The following RAB10 variants were observed in gnomAD, a reference collection of about 807,000 sequenced individuals.
RAB10 encodes the protein RAB10, member RAS oncogene family.
A neutral mutation model predicts 25.7 loss-of-function variants in RAB10; 5 were observed. That is an observed-to-expected ratio of 0.19 (90% CI 0.10 to 0.41). The LOEUF (loss-of-function observed/expected upper bound fraction) is 0.41, where lower values mean the gene tolerates loss of function less well. Ranked by LOEUF, RAB10 falls within the 10% of genes least tolerant of loss-of-function variation. The pLI is 1.00. For synonymous variants in RAB10, 89 were observed against 86.4 expected, an observed-to-expected ratio of 1.03 and a Z score of -0.16; for missense variants, 103 against 245.8, an observed-to-expected ratio of 0.42 and a Z score of 3.89.
intron 1 of RAB10, among the ~76,000 whole-genome samples, chr2:26,091,810 A>G (rs946079372): frequency 6.6e-6 from 1 of 152,172 alleles, no homozygotes; most frequent in African/African-American, 2.4e-5. Context: ...ATGAGTGGCT[A>G]GAAAGGTAGG....
At chr2:26,064,132 G>C (rs748011411) in intron 1 of RAB10, among the ~76,000 whole-genome samples, 45 of 152,060 alleles carry the variant, frequency 3.0e-4, no homozygotes, top group Admixed American at 2.0e-3. Flanking sequence ...TAATAAATTT[G>C]AGCTTTTTGG....
At chr2:26,092,500 G>T (rs866989368) in intron 1 of RAB10, among the ~76,000 whole-genome samples, 2 of 152,122 alleles carry the variant, frequency 1.3e-5, no homozygotes, top group African/African-American at 2.4e-5. Context: ...AATTTAAAAG[G>T]TTTAGTAATA....
intron 1 of RAB10, among the ~76,000 whole-genome samples, chr2:26,063,036 A>T (rs1213631668): frequency 6.6e-6 from 1 of 151,864 alleles, no homozygotes; most frequent in East Asian, 1.9e-4. Context: ...GATGGCTTGA[A>T]TGCAGGAGGC....
chr2:26,119,715 T>C (rs545265734), intron 3 of RAB10, among the ~76,000 whole-genome samples: 1 of 152,250 alleles, frequency 6.6e-6, no homozygotes, highest in Admixed American at 6.5e-5. Flanking sequence ...GATGGGGTCT[T>C]ACTGTGTTGC....
chr2:26,130,727 G>A (rs930286750), intron 5 of RAB10, among the ~76,000 whole-genome samples: 1 of 152,144 alleles, frequency 6.6e-6, no homozygotes, highest in African/African-American at 2.4e-5. Context: ...GGAATTACAG[G>A]TGTGAGCCAC....
At chr2:26,039,688 A>G (rs1665842143) in intron 1 of RAB10, among the ~76,000 whole-genome samples, 1 of 152,016 alleles carries the variant, frequency 6.6e-6, no homozygotes, top group African/African-American at 2.4e-5. Context: ...ACTCATATCT[A>G]GAATGTTACT....
At chr2:26,072,263 A>G (rs769351632) in intron 1 of RAB10, among the ~76,000 whole-genome samples, 1 of 152,128 alleles carries the variant, frequency 6.6e-6, no homozygotes, top group Non-Finnish European at 1.5e-5. Flanking sequence ...TAAAAATACA[A>G]AAATTAGCTG....
At chr2:26,085,722 C>T (rs957770067) in intron 1 of RAB10, among the ~76,000 whole-genome samples, 2 of 151,160 alleles carry the variant, frequency 1.3e-5, no homozygotes, top group African/African-American at 2.4e-5. Context: ...AGAGACTGGG[C>T]ACAGTGGCTC....
chr2:26,074,981 G>A (rs1320309885), intron 1 of RAB10, among the ~76,000 whole-genome samples: 2 of 152,152 alleles, frequency 1.3e-5, no homozygotes, highest in Non-Finnish European at 2.9e-5. Context: ...AAGGACTTTT[G>A]GGAGGGACAG....
At chr2:26,092,018 A>G (rs1291714384) in intron 1 of RAB10, among the ~76,000 whole-genome samples, 1 of 152,056 alleles carries the variant, frequency 6.6e-6, no homozygotes. Flanking sequence ...CTAAAAATAC[A>G]GAAGTTAGCC....
chr2:26,055,452 A>C (rs1168387064), intron 1 of RAB10, among the ~76,000 whole-genome samples: 1 of 145,452 alleles, frequency 6.9e-6, no homozygotes, highest in Non-Finnish European at 1.5e-5. Flanking sequence ...CAGTGGTGTG[A>C]TCTTGGCTCA....
At chr2:26,048,316 AC>A (rs1218468654) in intron 1 of RAB10, among the ~76,000 whole-genome samples, 1 of 151,664 alleles carries the variant, frequency 6.6e-6, no homozygotes, top group African/African-American at 2.4e-5. Context: ...ACCATTTTAC[AC>A]CCCCATCCTC....
chr2:26,036,791 C>G (rs1574521255), intron 1 of RAB10, among the ~76,000 whole-genome samples: 2 of 151,810 alleles, frequency 1.3e-5, no homozygotes, highest in Admixed American at 6.6e-5. Context: ...ATGTGGTCAA[C>G]TTTATTTATT....
intron 1 of RAB10, among the ~76,000 whole-genome samples, chr2:26,084,357 G>A (rs917947291): frequency 6.6e-6 from 1 of 152,208 alleles, no homozygotes; most frequent in Non-Finnish European, 1.5e-5. Flanking sequence ...ATTGCCAAGT[G>A]TGTAGTAAGT....
At chr2:26,103,239 G>A (rs187978964) in intron 2 of RAB10, among the ~76,000 whole-genome samples, 13 of 152,192 alleles carry the variant, frequency 8.5e-5, no homozygotes, top group African/African-American at 2.4e-4. Context: ...GTTAATATTC[G>A]GATTGATGGA....
At chr2:26,033,588 G>A (rs950261735), upstream of RAB10, among the ~76,000 whole-genome samples, 4 of 152,222 alleles carry the variant, frequency 2.6e-5, no homozygotes, top group Admixed American at 6.5e-5. Flanking sequence ...CCCAGGGCGC[G>A]GCTTTTTCTC....
rs1270905550 is a variant in RAB10, at chr2:26,048,784, A to T, written c.127+14049A>T. Among the ~76,000 whole-genome samples, 5 of 152,284 alleles carry T rather than the reference A, an allele frequency of 3.3e-5. No individual in the cohort carries two copies. The East Asian group carries it at 9.6e-4, about 29-fold the overall frequency. On this transcript the variant is annotated intron_variant, in intron 1 of 5. Coordinates refer to ENST00000264710, the MANE Select transcript of RAB10 (RefSeq NM_016131.5). ...CAGCTATCTGAGAGACTGAGATGGG[A>T]GGATCAGCTGAGGCCAGGGAGGTTG...
intron 1 of RAB10, among the ~76,000 whole-genome samples, chr2:26,088,928 T>C (rs973218397): frequency 6.6e-6 from 1 of 151,868 alleles, no homozygotes; most frequent in Non-Finnish European, 1.5e-5. Flanking sequence ...CGGCTTATCT[T>C]CAGTTTTTCT....
At chr2:26,066,158 T>A (rs1399299754) in intron 1 of RAB10, among the ~76,000 whole-genome samples, 2 of 152,230 alleles carry the variant, frequency 1.3e-5, no homozygotes, top group African/African-American at 2.4e-5. Context: ...GGTTTTTCTA[T>A]GGAAGAGGTC....
Sources: allele counts gnomAD v4.1 joint callset (sites outside exome capture counted in the v4.1 genomes callset), GRCh38; gene constraint gnomAD v4.1.1; transcripts MANE v1.5; gene names NCBI Gene and HGNC (gene_info 2026-07-23, HGNC 2026-07-21).